TMEM135: variants seen among roughly 807,000 people sequenced by gnomAD.
TMEM135 encodes the protein peroxisomal membrane protein 52.
A neutral mutation model predicts 60.3 loss-of-function variants in TMEM135; 30 were observed. That is an observed-to-expected ratio of 0.50 (90% CI 0.37 to 0.68). The LOEUF (loss-of-function observed/expected upper bound fraction) is 0.68. Ranked by LOEUF, TMEM135 falls within the 30% of genes least tolerant of loss-of-function variation. The probability of loss-of-function intolerance (pLI) is 0.00; values close to 1 mark genes in which losing one functional copy is unlikely to be tolerated. For missense variants in TMEM135, 468 were observed against 548.8 expected (o/e 0.85, Z 1.47); for synonymous variants, 190 against 186.7 (o/e 1.02, Z -0.14).
chr11:87,303,998 G>C (rs1016193583), intron 8 of TMEM135, among the ~76,000 whole-genome samples: 1 of 152,186 alleles, frequency 6.6e-6, no homozygotes. Flanking sequence ...AGGCATTCCA[G>C]GTGCTGGGAA....
At chr11:87,120,846 A>T (rs1346513506) in intron 4 of TMEM135, among the ~76,000 whole-genome samples, 2 of 152,156 alleles carry the variant, frequency 1.3e-5, no homozygotes, top group African/African-American at 4.8e-5. Flanking sequence ...TAAGAGTGAA[A>T]ATACATGATC....
At chr11:87,201,793 A>G (rs932912073) in intron 5 of TMEM135, among the ~76,000 whole-genome samples, 2 of 152,206 alleles carry the variant, frequency 1.3e-5, no homozygotes, top group African/African-American at 4.8e-5. Flanking sequence ...GCTAACATAT[A>G]TTAATACTTA....
At chr11:87,260,469 A>T (rs1941628439) in intron 6 of TMEM135, among the ~76,000 whole-genome samples, 1 of 152,190 alleles carries the variant, frequency 6.6e-6, no homozygotes, top group African/African-American at 2.4e-5. Context: ...TGTTGAAATT[A>T]CTTGAATGCT....
intron 5 of TMEM135, among the ~76,000 whole-genome samples, chr11:87,170,054 TCC>T (rs1939189841): frequency 1.5e-5 from 2 of 131,290 alleles, no homozygotes; most frequent in African/African-American, 2.8e-5. Flanking sequence ...GTCTCTGATA[TCC>T]TTTTTCCACT....
chr11:87,150,215 C>CAAAAAAAAA (rs200067307), intron 4 of TMEM135, among the ~76,000 whole-genome samples: 9 of 109,866 alleles, frequency 8.2e-5, no homozygotes, highest in Non-Finnish European at 1.5e-4. Context: ...AACTCTGTCT[C>CAAAAAAAAA]AAAAAAAAAA....
At chr11:87,302,072 T>C (rs1239922446) in intron 7 of TMEM135, among the ~76,000 whole-genome samples, 1 of 152,218 alleles carries the variant, frequency 6.6e-6, no homozygotes, top group Non-Finnish European at 1.5e-5. Context: ...GATTTTTAAA[T>C]ACCTGCATTA....
intron 13 of TMEM135, 198 bp from the exon 14 acceptor site, chr11:87,319,112 G>A: frequency 1.8e-6 from 1 of 550,184 alleles, no homozygotes; most frequent in Admixed American, 3.1e-5. Flanking sequence ...CAGGTAATCT[G>A]CCCGCCTCGG....
At chr11:87,043,741 AC>A (rs200707601) in intron 1 of TMEM135, among the ~76,000 whole-genome samples, 2 of 151,888 alleles carry the variant, frequency 1.3e-5, no homozygotes, top group East Asian at 1.9e-4. Context: ...AAACAAACAA[AC>A]AAAAAAAACT....
At chr11:87,130,877 A>G (rs1450952958) in intron 4 of TMEM135, among the ~76,000 whole-genome samples, 3 of 151,976 alleles carry the variant, frequency 2.0e-5, no homozygotes, top group Non-Finnish European at 4.4e-5. Flanking sequence ...TATTGATTAA[A>G]TAAATTGGTT....
At chr11:87,316,316 G>A (rs10898667) in intron 12 of TMEM135, among the ~76,000 whole-genome samples, 43,053 of 151,454 alleles carry the variant, frequency 0.28, 7,104 homozygotes, top group Middle Eastern at 0.39. Flanking sequence ...CAGAGAAAGA[G>A]AGAGAGATTG....
intron 6 of TMEM135, among the ~76,000 whole-genome samples, chr11:87,261,670 G>A (rs1348803715): frequency 6.6e-6 from 1 of 151,532 alleles, no homozygotes; most frequent in East Asian, 1.9e-4. Context: ...CATTTACCCT[G>A]GAGTGCAGTG....
intron 2 of TMEM135, among the ~76,000 whole-genome samples, chr11:87,068,514 A>G (rs1411871163): frequency 6.6e-6 from 1 of 152,226 alleles, no homozygotes; most frequent in African/African-American, 2.4e-5. Context: ...AACTGCAATT[A>G]AAAGTATAAT....
chr11:87,099,222 G>A (rs1857398325), intron 4 of TMEM135, among the ~76,000 whole-genome samples: 1 of 151,990 alleles, frequency 6.6e-6, no homozygotes, highest in Non-Finnish European at 1.5e-5. Context: ...ACTTTTGTGT[G>A]TTGTCTGCTT....
At chr11:87,270,913 G>C (rs1460146335) in intron 6 of TMEM135, among the ~76,000 whole-genome samples, 1 of 151,938 alleles carries the variant, frequency 6.6e-6, no homozygotes, top group Non-Finnish European at 1.5e-5. Context: ...TCAGACATGA[G>C]CTGTCATTAT....
intron 4 of TMEM135, among the ~76,000 whole-genome samples, chr11:87,129,213 ATTTTTTTTTTT>A (rs71040295): frequency 2.6e-5 from 3 of 116,262 alleles, no homozygotes; most frequent in Admixed American, 1.6e-4. Flanking sequence ...TTATTCCTTA[ATTTTTTTTTTT>A]TTTTTTTTTT....
intron 3 of TMEM135, among the ~76,000 whole-genome samples, chr11:87,087,980 C>T (rs978922893): frequency 2.6e-5 from 4 of 152,080 alleles, no homozygotes; most frequent in East Asian, 3.9e-4. Flanking sequence ...CCAGGTGATC[C>T]GCCCTCCTTG....
intron 5 of TMEM135, among the ~76,000 whole-genome samples, chr11:87,170,653 C>G (rs1939211016): frequency 6.6e-6 from 1 of 152,152 alleles, no homozygotes; most frequent in African/African-American, 2.4e-5. Flanking sequence ...CGTGTTCCTT[C>G]CTCTGGAAGC....
chr11:87,037,942 C>A lies in TMEM135; in HGVS notation c.-104C>A. On this transcript the variant is annotated 5_prime_UTR_variant, in exon 1 of 15. Transcript: ENST00000305494. ...CGTGACCTTTCCCCTCCATTCCGCACCTCCGAGTGCTGGCCGGGCGAGAGG... is the reference window on the plus strand; with the variant it reads ...CGTGACCTTTCCCCTCCATTCCGCAACTCCGAGTGCTGGCCGGGCGAGAGG... 1.3e-6 allele frequency: 2 copies of A among 1,556,070 alleles called. No homozygotes were observed. Among genetic ancestry groups the A allele is most frequent in the Non-Finnish European group, 1.8e-6 (2 of 1,137,732 alleles).
intron 8 of TMEM135, among the ~76,000 whole-genome samples, chr11:87,304,701 C>A (rs1270912759): frequency 1.3e-5 from 2 of 152,136 alleles, no homozygotes; most frequent in Non-Finnish European, 2.9e-5. Flanking sequence ...AATCAATTTG[C>A]GAATGGGATT....
Sources: gnomAD v4.1 joint callset for allele counts (sites outside exome capture counted in the v4.1 genomes callset) on GRCh38, gnomAD v4.1.1 for gene constraint, MANE v1.5 for transcripts, NCBI Gene and HGNC (gene_info 2026-07-23, HGNC 2026-07-21) for gene names.